The following ADGRE3 variants were observed in gnomAD, a reference collection of about 807,000 sequenced individuals.
The protein encoded by ADGRE3 is EGF-like module receptor 3.
ADGRE3 carries 88 observed loss-of-function variants against 80.1 expected under a neutral mutation model. The observed-to-expected ratio is 1.10, with a 90% CI of 0.93 to 1.31. ADGRE3 has a LOEUF of 1.31. Among genes scored for constraint, ADGRE3 ranks in the 40% most tolerant of loss-of-function variants. ADGRE3 has a pLI of 0.00. For missense variants in ADGRE3, 715 were observed against 776.5 expected, an observed-to-expected ratio of 0.92 and a Z score of 0.94; for synonymous variants, 281 against 294.8, an observed-to-expected ratio of 0.95 and a Z score of 0.48.
chr19:14,668,972 T>C, intron 1 of ADGRE3, 120 bp from the exon 2 acceptor site: 1 of 948,652 alleles, frequency 1.1e-6, no homozygotes, highest in East Asian at 2.5e-5. Flanking sequence ...AAAAATGTAG[T>C]GGCTTAAAGC....
rs577335126 is a variant in ADGRE3, at chr19:14,652,213, T to C, written c.578-1009A>G. Reference sequence around the variant, plus strand: ...GTGTTAGCTAATTTGATTGTGGTGATCATTCCACAGTATATATGTATATCA... The same window carrying C: ...GTGTTAGCTAATTTGATTGTGGTGACCATTCCACAGTATATATGTATATCA... On this transcript the variant is annotated intron_variant, in intron 6 of 15. Transcript: ENST00000253673. 9.9e-5 allele frequency among the ~76,000 whole-genome samples: 15 copies of C among 152,266 alleles called. No homozygotes were observed. In the East Asian group the frequency reaches 2.7e-3, roughly 27 times the overall value.
intron 13 of ADGRE3, among the ~76,000 whole-genome samples, chr19:14,630,658 C>G (rs544140235): frequency 2.0e-5 from 3 of 152,114 alleles, no homozygotes; most frequent in Admixed American, 6.5e-5. Context: ...AAGAGATCCA[C>G]CCATCTTGGC....
chr19:14,631,455 G>T (rs777087226), intron 13 of ADGRE3, among the ~76,000 whole-genome samples: 3 of 151,116 alleles, frequency 2.0e-5, no homozygotes, highest in Admixed American at 6.6e-5. Flanking sequence ...TTCCAGGTAA[G>T]CTGAGATATG....
Position 14,647,256 on chromosome 19 carries a change from A to T in ADGRE3, c.807T>A (p.Val269=), listed in dbSNP as rs1298741190. The T allele has an allele frequency of 1.2e-6, 2 of 1,613,860 alleles. No individual in the cohort carries two copies. Among genetic ancestry groups the T allele is most frequent in the African/African-American group, 2.7e-5 (2 of 74,928 alleles). Residue 269 remains valine, a synonymous_variant, in exon 8 of 16, where the codon GTT becomes GTA. Coordinates refer to ENST00000253673, the MANE Select transcript of ADGRE3 (RefSeq NM_032571.5). ...KKDQVYLNSQ[V]VSAAIGPKRN... ...TTTTGGGTCCAATAGCAGCACTCAC[A>T]ACCTGAGAGTTCAGATACACTTGAT...
At position 14,619,438 on chromosome 19, in the gene ADGRE3, A is replaced by G; in HGVS notation, c.1954T>C (p.Tyr652His). 2 of 1,586,536 alleles carry G rather than the reference A, an allele frequency of 1.3e-6. No homozygotes were observed. Among genetic ancestry groups the G allele is most frequent in the African/African-American group, 1.3e-5 (1 of 74,418 alleles). Residue 652 changes from tyrosine to histidine, a missense_variant, in exon 16 of 16, where the codon TAT (tyrosine) becomes CAT (histidine). Tyr to His is a moderately conservative substitution (Grantham distance 83). Coordinates refer to ENST00000253673, the MANE Select transcript of ADGRE3 (RefSeq NM_032571.5). ...TGGAGTTGAATATTCTAGTTTTAAT[A>G]TTTTCTCTTCACTTGTCCTGGAAAA... ...DVFPGQVKRK[Y>H]
chr19:14,651,950 G>A (rs1053684845), intron 6 of ADGRE3, among the ~76,000 whole-genome samples: 1 of 152,124 alleles, frequency 6.6e-6, no homozygotes, highest in African/African-American at 2.4e-5. Flanking sequence ...GCTGAGGCAC[G>A]AGAATAGTTT....
chr19:14,659,820 C>T, intron 4 of ADGRE3, among the ~76,000 whole-genome samples: 1 of 25,592 alleles, frequency 3.9e-5, no homozygotes. Context: ...GACTCTGCCT[C>T]TGAAAAAAAA....
intron 9 of ADGRE3, among the ~76,000 whole-genome samples, chr19:14,643,392 C>T (rs1298345749): frequency 6.6e-6 from 1 of 151,928 alleles, no homozygotes; most frequent in African/African-American, 2.4e-5. Context: ...GATCTGCCTG[C>T]CTCGGCCTCC....
At chr19:14,655,314 G>T in intron 5 of ADGRE3, 149 bp from the exon 6 acceptor site, 1 of 668,126 alleles carries the variant, frequency 1.5e-6, no homozygotes, top group Non-Finnish European at 2.5e-6. Context: ...CCAGCTTTGT[G>T]ACCTTGGGCA....
intron 9 of ADGRE3, 22 bp from the exon 10 acceptor site, chr19:14,641,638 C>T: frequency 6.2e-7 from 1 of 1,612,204 alleles, no homozygotes; most frequent in East Asian, 2.2e-5. Context: ...AAAAAAAGTT[C>T]ACAGTGATGC....
chr19:14,658,138 G>C (rs1464800469), intron 5 of ADGRE3, among the ~76,000 whole-genome samples: 2 of 152,066 alleles, frequency 1.3e-5, no homozygotes, highest in Non-Finnish European at 2.9e-5. Context: ...CAGTTCAAAT[G>C]TGTGTTGTTC....
Position 14,636,134 on chromosome 19 carries a change from CT to C in ADGRE3, c.1484+1970del, listed in dbSNP as rs1261785907. Among the ~76,000 whole-genome samples the C allele has an allele frequency of 3.2e-3, 263 of 81,324 alleles. 34 individuals carry two copies. Among genetic ancestry groups the C allele is most frequent in the Middle Eastern group, 0.01 (2 of 192 alleles). The allele number at this position is 81,324 out of a possible 152,430, so 53.4% of individuals were successfully genotyped here. A position where few individuals can be genotyped will look rare whatever the true frequency, so the allele number is the denominator to read the frequency against. Reference sequence around the variant, plus strand: ...TCTTTCTTTCTTTCTTTCTTTCTTTCTTTCTTTCTTTCTTTCTTCCTTTCCT... The same window carrying C: ...TCTTTCTTTCTTTCTTTCTTTCTTTCTTCTTTCTTTCTTTCTTCCTTTCCT... On this transcript the variant is annotated intron_variant, in intron 11 of 15. Transcript: ENST00000253673.
At chr19:14,661,241 C>T (rs1031442358) in intron 4 of ADGRE3, among the ~76,000 whole-genome samples, 3 of 152,170 alleles carry the variant, frequency 2.0e-5, no homozygotes, top group African/African-American at 4.8e-5. Context: ...CCCTCCCAGC[C>T]GGTGGTCATA....
At chr19:14,609,278 C>A in the ADGRE3 span, among the ~76,000 whole-genome samples, 1 of 152,186 alleles carries the variant, frequency 6.6e-6, no homozygotes, top group Non-Finnish European at 1.5e-5. Context: ...GTGCTGTTGA[C>A]ATCCCAGTGG....
chr19:14,638,184 G>A lies in ADGRE3; in HGVS notation c.1405C>T (p.Pro469Ser). 6.2e-7 allele frequency: 1 copy of A among 1,614,116 alleles called. No individual in the cohort carries two copies. The highest frequency in any genetic ancestry group is 8.5e-7 in the Non-Finnish European group (1 of 1,180,016). The change falls in exon 11 of 16, where the codon CCA becomes TCA. Residue 469 changes from proline to serine, a missense_variant. Coordinates refer to ENST00000253673, the MANE Select transcript of ADGRE3 (RefSeq NM_032571.5). ...ACAGCGGGAACGCCATAGCCGACTG[G>A]GAACATGATCCACTTCATGAGTCTA... The part of the protein sequence containing the change: ...INRLMKWIMF[P>S]VGYGVPAVTV...
intron 2 of ADGRE3, among the ~76,000 whole-genome samples, chr19:14,665,245 G>A (rs927619652): frequency 1.3e-5 from 2 of 151,384 alleles, no homozygotes; most frequent in African/African-American, 4.9e-5. Flanking sequence ...TGTATTTTTA[G>A]TAGAGGCGGG....
chr19:14,667,996 G>A lies in ADGRE3; in HGVS notation c.76+806C>T, dbSNP rs571126450. ...AGGCTGGGCATGGTGGCTCATGCCT[G>A]TAATCCCAGCAATTTGGGAGGTTGA... On this transcript the variant is annotated intron_variant, in intron 2 of 15. Transcript: ENST00000253673. Among the ~76,000 whole-genome samples the A allele has an allele frequency of 4.6e-5, 7 of 152,280 alleles. No individual in the cohort carries two copies. The South Asian group carries it at 1.2e-3, about 27-fold the overall frequency.
chr19:14,668,895 G>A (rs1416297122), intron 1 of ADGRE3, 43 bp from the exon 2 acceptor site: 2 of 1,578,854 alleles, frequency 1.3e-6, no homozygotes, highest in Non-Finnish European at 1.7e-6. Context: ...TGAAACAATT[G>A]AGGAGAGATT....
intron 6 of ADGRE3, among the ~76,000 whole-genome samples, chr19:14,654,277 T>A (rs1376554648): frequency 2.2e-5 from 3 of 135,624 alleles, no homozygotes; most frequent in South Asian, 2.4e-4. Context: ...TTTTTTTTTT[T>A]AATGAGACAG....
Sources: allele counts gnomAD v4.1 joint callset (sites outside exome capture counted in the v4.1 genomes callset), GRCh38; gene constraint gnomAD v4.1.1; transcripts MANE v1.5; gene names NCBI Gene and HGNC (gene_info 2026-07-23, HGNC 2026-07-21).